The following COL6A3 variants were observed in gnomAD, a reference collection of about 807,000 sequenced individuals.
COL6A3 encodes the protein collagen alpha-3(VI) chain.
In COL6A3, 137 loss-of-function variants were observed where a neutral mutation model predicts 274.1. The ratio of observed to expected loss-of-function variants is 0.50; its 90% CI spans 0.44 to 0.58. The LOEUF is 0.58. Ranked by LOEUF, COL6A3 falls within the 20% of genes least tolerant of loss-of-function variation. The probability of loss-of-function intolerance (pLI) is 0.00; values close to 1 mark genes in which losing one functional copy is unlikely to be tolerated. For missense variants in COL6A3, 3,950 were observed against 4,124.9 expected, an observed-to-expected ratio of 0.96 and a Z score of 1.16; for synonymous variants, 1,650 against 1,650.6, an observed-to-expected ratio of 1.00 and a Z score of 0.01.
chr2:237,399,145 T>C (rs924189142), intron 1 of COL6A3, among the ~76,000 whole-genome samples: 1 of 152,138 alleles, frequency 6.6e-6, no homozygotes, highest in African/African-American at 2.4e-5. Context: ...TATTTCTCCA[T>C]GAAAACCCCA....
intron 8 of COL6A3, among the ~76,000 whole-genome samples, chr2:237,372,617 G>A (rs1410073913): frequency 6.6e-6 from 1 of 152,236 alleles, no homozygotes; most frequent in African/African-American, 2.4e-5. Flanking sequence ...ACTGCATCAG[G>A]TGCTGCTCAG....
chr2:237,391,329 G>T (rs944785504), intron 3 of COL6A3, among the ~76,000 whole-genome samples: 26 of 152,110 alleles, frequency 1.7e-4, no homozygotes, highest in African/African-American at 5.8e-4. Context: ...AAAAACAAAG[G>T]TTTTATCATC....
At chr2:237,331,484 T>A (rs954172139) in intron 42 of COL6A3, among the ~76,000 whole-genome samples, 5 of 152,150 alleles carry the variant, frequency 3.3e-5, no homozygotes, top group African/African-American at 1.2e-4. Context: ...TTTAAGTAAA[T>A]GTCCCATTTA....
At chr2:237,395,382 C>T (rs2078411910) in intron 2 of COL6A3, among the ~76,000 whole-genome samples, 178 bp from the exon 3 acceptor site, 1 of 152,220 alleles carries the variant, frequency 6.6e-6, no homozygotes, top group South Asian at 2.1e-4. Context: ...TGAGCCCATG[C>T]ACTCAATAGC....
At position 237,364,910 on chromosome 2, in the gene COL6A3, C is replaced by T. The variant is rs149824448; in HGVS notation, c.5839-482G>A. 9.1e-3 allele frequency among the ~76,000 whole-genome samples: 1,356 copies of T among 148,648 alleles called. 22 individuals carry two copies. Among genetic ancestry groups the T allele is most frequent in the African/African-American group, 0.032 (1,297 of 40,296 alleles). ...GCATGTGCGTGCATGTGTGTGGGTG[C>T]ATGTCTGTGGGTGTGTGTGCGTGTG... On this transcript the variant is annotated intron_variant, in intron 12 of 43. Coordinates refer to ENST00000295550, the MANE Select transcript of COL6A3 (RefSeq NM_004369.4). This position sits in a 1 kb window ranked among gnomAD's most constrained non-coding sequence, Gnocchi z 4.6.
intron 42 of COL6A3, among the ~76,000 whole-genome samples, chr2:237,332,117 ATG>A (rs1700291951): frequency 1.6e-5 from 1 of 64,168 alleles, no homozygotes; most frequent in African/African-American, 4.8e-5. Flanking sequence ...ATATATATAT[ATG>A]AAAAGAAAAA....
chr2:237,359,168 A>T, intron 19 of COL6A3, 38 bp downstream of exon 19: 2 of 1,614,070 alleles, frequency 1.2e-6, no homozygotes, highest in Non-Finnish European at 1.7e-6. Flanking sequence ...GAATCTTCAG[A>T]ACCAAAAGCA....
chr2:237,376,809 A>G lies in COL6A3; in HGVS notation c.3033T>C (p.Asn1011=). The change falls in exon 7 of 44, where the codon AAT becomes AAC. Residue 1011 remains asparagine (N), a synonymous_variant. Coordinates refer to ENST00000295550, the MANE Select transcript of COL6A3 (RefSeq NM_004369.4). The part of the protein sequence containing the change: ...KIGDLHPQIV[N]LLKSVHNGAP... ...CTCCGTTGTGCACTGATTTTAAGAG[A>G]TTCACTATCTGTGGATGAAGATCTC... The G allele has an allele frequency of 6.2e-7, 1 of 1,614,102 alleles. No homozygotes were observed. The highest frequency in any genetic ancestry group is 8.5e-7 in the Non-Finnish European group (1 of 1,179,996).
intron 41 of COL6A3, 113 bp downstream of exon 41, chr2:237,334,513 T>G: frequency 1.5e-5 from 18 of 1,200,642 alleles, no homozygotes; most frequent in Non-Finnish European, 1.8e-5. Flanking sequence ...TGTTGTTGTT[T>G]TTTGAATTTG....
At position 237,367,126 on chromosome 2, in the gene COL6A3, G is replaced by A. The variant is rs1057522807; in HGVS notation, c.5061C>T (p.Pro1687=). 6.2e-7 allele frequency: 1 copy of A among 1,614,180 alleles called. No individual in the cohort carries two copies. The highest frequency in any genetic ancestry group is 1.7e-5 in the Admixed American group (1 of 60,030). Residue 1687 remains proline, a synonymous_variant, in exon 11 of 44, where the codon CCC becomes CCT. Transcript: ENST00000295550. ...QVGLVQYNSD[P]TDEFFLKDFS... is the part of the protein sequence containing the mutation. ...AGTCCTTCAGGAAGAATTCGTCAGT[G>A]GGGTCAGAGTTGTACTGGACAAGCC...
rs753305125 is a variant in COL6A3, at chr2:237,336,443, G to A, written c.8657C>T (p.Thr2886Ile). ...PVTTTKPVTT[T>I]TKPVTTTTKP... Reference sequence around the variant, plus strand: ...TGTTGTGGTGGTTACAGGCTTTGTTGTGGTGGTCACCGGCTTCGTCGTAGT... The same window carrying A: ...TGTTGTGGTGGTTACAGGCTTTGTTATGGTGGTCACCGGCTTCGTCGTAGT... Residue 2886 changes from threonine (T) to isoleucine (I), a missense_variant, in exon 40 of 44, where the codon ACA becomes ATA. Coordinates refer to ENST00000295550, the MANE Select transcript of COL6A3 (RefSeq NM_004369.4). 3.1e-6 allele frequency: 5 copies of A among 1,614,258 alleles called. No individual in the cohort carries two copies. In the South Asian group the frequency reaches 5.5e-5, roughly 18 times the overall value.
intron 1 of COL6A3, among the ~76,000 whole-genome samples, chr2:237,403,420 TGA>T (rs2078642213): frequency 6.6e-6 from 1 of 152,146 alleles, no homozygotes; most frequent in South Asian, 2.1e-4. Flanking sequence ...ATTCAGATTC[TGA>T]GAACTTGAAG....
In COL6A3 at chr2:237,388,126, G is replaced by A. The variant is rs79606264; in HGVS notation, c.768C>T (p.Val256=). 23,408 of 1,614,168 alleles carry A rather than the reference G, an allele frequency of 0.015. 263 individuals are homozygous for A. Among genetic ancestry groups the A allele is most frequent in the Middle Eastern group, 0.04 (241 of 6,062 alleles). The change falls in exon 4 of 44, where the codon GTC becomes GTT. Residue 256 remains valine, a synonymous_variant. Coordinates refer to ENST00000295550, the MANE Select transcript of COL6A3 (RefSeq NM_004369.4). ...LIDGSNNTGS[V]NFAVILDFLV... is the part of the protein sequence containing the mutation. ...GGAAGTCGAGAATGACTGCGAAATTGACACTTCCGGTGTTGTTTGATCCAT... is the reference window on the plus strand; with the variant it reads ...GGAAGTCGAGAATGACTGCGAAATTAACACTTCCGGTGTTGTTTGATCCAT...
At chr2:237,375,073 A>C (rs914270771) in intron 7 of COL6A3, 53 bp from the exon 8 acceptor site, 23 of 1,607,514 alleles carry the variant, frequency 1.4e-5, no homozygotes, top group Middle Eastern at 1.6e-4. Flanking sequence ...CAGCAATTTC[A>C]TATCAACGAG....
chr2:237,340,956 C>T lies in COL6A3; in HGVS notation c.7960G>A (p.Asp2654Asn), dbSNP rs760154245. The change falls in exon 38 of 44, where the codon GAT (aspartate) becomes AAT (asparagine). Residue 2654 changes from aspartate (D) to asparagine (N), a missense_variant. Asp to Asn is a conservative substitution (Grantham distance 23). This residue lies in a region of COL6A3 where 1,284 missense variants were observed against 1,349.7 expected (regional missense o/e 0.95). Transcript: ENST00000295550. ...GCGAAGTGCTGGGAGGCCTTGGGATCTGGGCTCATGTCCAGTTGTCTGACC... is the reference window on the plus strand; with the variant it reads ...GCGAAGTGCTGGGAGGCCTTGGGATTTGGGCTCATGTCCAGTTGTCTGACC... ...YLVRQLDMSP[D>N]PKASQHFARV... The T allele has an allele frequency of 1.7e-5, 28 of 1,613,966 alleles. No individual in the cohort carries two copies. Among genetic ancestry groups the T allele is most frequent in the Non-Finnish European group, 2.4e-5 (28 of 1,179,980 alleles).
At chr2:237,353,484 GC>G in intron 24 of COL6A3, 81 bp from the exon 25 acceptor site, 1 of 1,294,666 alleles carries the variant, frequency 7.7e-7, no homozygotes. Flanking sequence ...TCATTTCTGG[GC>G]CAGGGACTTG....
rs1203522788 is a variant in COL6A3 at position 237,368,898 on chromosome 2, A to G, written c.4565T>C (p.Phe1522Ser). 11 of 1,614,004 alleles carry G rather than the reference A, an allele frequency of 6.8e-6. No homozygotes were observed. The highest frequency in any genetic ancestry group is 9.3e-6 in the Non-Finnish European group (11 of 1,180,008). ...SPLNTGKALE[F>S]VARNLFVKSA... ...CTTAACAAAGAGGTTTCTTGCCACAAATTCGAGAGCCTTGCCAGTGTTCAG... is the reference window on the plus strand; with the variant it reads ...CTTAACAAAGAGGTTTCTTGCCACAGATTCGAGAGCCTTGCCAGTGTTCAG... The change falls in exon 10 of 44, where the codon TTT becomes TCT. Residue 1522 changes from phenylalanine to serine, a missense_variant. By Grantham distance (155) the Phe-to-Ser change is radical (BLOSUM62 -2). This residue lies in a region of COL6A3 where 1,934 missense variants were observed against 1,984.3 expected (regional missense o/e 0.97). Coordinates refer to ENST00000295550, the MANE Select transcript of COL6A3 (RefSeq NM_004369.4). The surrounding 1 kb of genome is among the most constrained non-coding windows in gnomAD (Gnocchi z 4.4).
Position 237,367,168 on chromosome 2 carries a change from G to A in COL6A3, c.5019C>T (p.Gly1673=), listed in dbSNP as rs140516220. The A allele has an allele frequency of 6.1e-5, 99 of 1,614,030 alleles. No individual in the cohort carries two copies. The highest frequency in any genetic ancestry group is 8.3e-5 in the Admixed American group (5 of 60,006). ...SEIVDTVYED[G]DSIQVGLVQY... The stretch of plus-strand genomic sequence containing the variant: ...GGACAAGCCCCACTTGGATGGAGTC[G>A]CCATCTTCATAAACTGTGTCCACTA... The change falls in exon 11 of 44, where the codon GGC becomes GGT. Residue 1673 remains glycine (G), a synonymous_variant. Coordinates refer to ENST00000295550, the MANE Select transcript of COL6A3 (RefSeq NM_004369.4).
intron 36 of COL6A3, chr2:237,342,384 C>T: frequency 1.8e-6 from 1 of 568,782 alleles, no homozygotes; most frequent in Non-Finnish European, 3.1e-6. Context: ...ATATCCCGTT[C>T]AAATGGGTTT....
Sources: gnomAD v4.1 joint callset for allele counts (sites outside exome capture counted in the v4.1 genomes callset) on GRCh38, gnomAD v4.1.1 for gene constraint, gnomAD v4.1.1 regional missense constraint, Gnocchi (gnomAD v3.1) non-coding constraint, MANE v1.5 for transcripts, NCBI Gene and HGNC (gene_info 2026-07-23, HGNC 2026-07-21) for gene names.